FAT1: variants seen among roughly 807,000 people sequenced by gnomAD.
The protein encoded by FAT1 is protocadherin Fat 1.
In FAT1, 171 loss-of-function variants were observed where a neutral mutation model predicts 329.8. The observed-to-expected ratio is 0.52, with a 90% CI of 0.46 to 0.59. FAT1 has a LOEUF of 0.59. FAT1 is among the 20% of genes least tolerant of loss of function. The pLI, the probability that FAT1 is intolerant of heterozygous loss-of-function variation, is 0.00. For missense variants in FAT1, 5,672 were observed against 5,774.4 expected, an observed-to-expected ratio of 0.98 and a Z score of 0.57; for synonymous variants, 2,233 against 2,228.6, an observed-to-expected ratio of 1.00 and a Z score of -0.06.
chr4:186,665,973 G>A (rs913735941), intron 2 of FAT1, among the ~76,000 whole-genome samples: 6 of 146,452 alleles, frequency 4.1e-5, no homozygotes, highest in African/African-American at 1.3e-4. Flanking sequence ...ACTCACAGGT[G>A]GGAATTGAAC....
chr4:186,723,045 CA>C (rs1019120037), intron 1 of FAT1, among the ~76,000 whole-genome samples: 41 of 152,282 alleles, frequency 2.7e-4, no homozygotes, highest in African/African-American at 9.6e-4. Context: ...TAAAAGAAAG[CA>C]TTTTTTTTTA....
intron 13 of FAT1, 49 bp downstream of exon 13, chr4:186,613,060 C>T (rs1305730110): frequency 1.5e-6 from 2 of 1,325,884 alleles, no homozygotes; most frequent in East Asian, 4.7e-5. Flanking sequence ...AACAGAGGCT[C>T]CTAGGATCTC....
chr4:186,611,421 T>C lies in FAT1; in HGVS notation c.9818A>G (p.Asn3273Ser), dbSNP rs775597493. ...ATCTATGCTGAATTTCCCATGTTCA[T>C]TTCCACTTATTATTGAGTAGGTGAT... is the stretch of plus-strand genomic sequence containing the variant. ...AEITYSIISGNEHGKFSIDSK... is the reference protein window; with the variant it reads ...AEITYSIISGSEHGKFSIDSK... The change falls in exon 14 of 27, where the codon AAT becomes AGT. Residue 3273 changes from asparagine (N) to serine (S), a missense_variant. Physicochemically the swap from Asn to Ser is conservative, Grantham distance 46 (BLOSUM62 1). Coordinates refer to ENST00000441802, the MANE Select transcript of FAT1 (RefSeq NM_005245.4). 4 of 1,613,622 alleles carry C rather than the reference T, an allele frequency of 2.5e-6. No individual in the cohort carries two copies. The highest frequency in any genetic ancestry group is 3.4e-6 in the Non-Finnish European group (4 of 1,179,692).
intron 2 of FAT1, among the ~76,000 whole-genome samples, chr4:186,695,325 C>T (rs2126666246): frequency 6.6e-6 from 1 of 152,298 alleles, no homozygotes; most frequent in South Asian, 2.1e-4. Context: ...GAAGGCCAGC[C>T]TCAGAATCTA....
At chr4:186,653,650 T>A (rs1361031841) in intron 3 of FAT1, among the ~76,000 whole-genome samples, 2 of 152,198 alleles carry the variant, frequency 1.3e-5, no homozygotes, top group Non-Finnish European at 2.9e-5. Flanking sequence ...CATTTTTAAA[T>A]GGTTGAAAAA....
At chr4:186,624,843 C>T (rs1272101497) in intron 9 of FAT1, among the ~76,000 whole-genome samples, 2 of 152,214 alleles carry the variant, frequency 1.3e-5, no homozygotes, top group Non-Finnish European at 2.9e-5. Flanking sequence ...CAACAGATGT[C>T]CACCTCCATC....
At chr4:186,604,910 G>A (rs1449030844) in intron 17 of FAT1, among the ~76,000 whole-genome samples, 1 of 151,800 alleles carries the variant, frequency 6.6e-6, no homozygotes, top group Non-Finnish European at 1.5e-5. Flanking sequence ...GAGAAGAAGA[G>A]GACTGGAGGA....
chr4:186,600,497 A>G, intron 21 of FAT1, 137 bp from the exon 22 acceptor site: 1 of 675,118 alleles, frequency 1.5e-6, no homozygotes, highest in Non-Finnish European at 2.5e-6. Context: ...CAGAGCACAG[A>G]TTCATTTGTC....
At position 186,636,807 on chromosome 4, in the gene FAT1, G is replaced by A. The variant is rs1453319971; in HGVS notation, c.3750C>T (p.Tyr1250=). The A allele has an allele frequency of 1.2e-6, 2 of 1,613,778 alleles. No homozygotes were observed. Among genetic ancestry groups the A allele is most frequent in the Middle Eastern group, 1.6e-4 (1 of 6,084 alleles). ...DNKPQFLQKF[Y]KIRLPEREKP... ...TTTCCCGCTCAGGGAGTCTGATTTT[G>A]TAGAACTTTTGCAGAAACTGAGGTT... The change falls in exon 5 of 27, where the codon TAC becomes TAT. Residue 1250 remains tyrosine (Y), a synonymous_variant. Coordinates refer to ENST00000441802, the MANE Select transcript of FAT1 (RefSeq NM_005245.4).
At position 186,618,325 on chromosome 4, in the gene FAT1, T is replaced by C. The variant is rs1739826642; in HGVS notation, c.8261A>G (p.Asp2754Gly). Residue 2754 changes from aspartate to glycine, a missense_variant, in exon 10 of 27, where the codon GAC becomes GGC. This residue lies in a region of FAT1 where 3,966 missense variants were observed against 3,915.2 expected (regional missense o/e 1.01). Coordinates refer to ENST00000441802, the MANE Select transcript of FAT1 (RefSeq NM_005245.4). ...CAACTTCAGTCTCCCGCTCTGTCTG[T>C]CAATCACAAAGGACTCATCCCTATT... ...ESNRDESFVI[D>G]RQSGRLKLEK... 3.7e-6 allele frequency: 6 copies of C among 1,613,912 alleles called. 1 individual carries two copies. The highest frequency in any genetic ancestry group is 1.7e-5 in the Admixed American group (1 of 60,004).
intron 17 of FAT1, among the ~76,000 whole-genome samples, chr4:186,604,789 A>G (rs534804665): frequency 0.012 from 1,813 of 150,804 alleles, 44 homozygotes; most frequent in African/African-American, 0.042. Flanking sequence ...AAAAAGGAGG[A>G]TGAAGGAAAC....
rs183075696 is a variant in FAT1, at chr4:186,596,015, C to G, written c.13001-189G>C. Among the ~76,000 whole-genome samples the G allele has an allele frequency of 2.5e-3, 379 of 152,266 alleles. No homozygotes were observed. The highest frequency in any genetic ancestry group is 8.7e-3 in the African/African-American group (361 of 41,542). On this transcript the variant is annotated intron_variant, in intron 25 of 26. Transcript: ENST00000441802. The surrounding 1 kb of genome is among the most constrained non-coding windows in gnomAD (Gnocchi z 4.7). ...ATAAAAAACCCCTGCACAGAAAGACCTCCACATCATCTTAGAGATTATTCA... is the reference window on the plus strand; with the variant it reads ...ATAAAAAACCCCTGCACAGAAAGACGTCCACATCATCTTAGAGATTATTCA...
chr4:186,668,447 G>T (rs1742566361), intron 2 of FAT1, among the ~76,000 whole-genome samples: 1 of 152,192 alleles, frequency 6.6e-6, no homozygotes, highest in Non-Finnish European at 1.5e-5. Flanking sequence ...CAACTCCCTT[G>T]TTCTTAAAGA....
Position 186,619,608 on chromosome 4 carries a change from G to A in FAT1, c.6978C>T (p.His2326=), listed in dbSNP as rs2126507319. 6.2e-7 allele frequency: 1 copy of A among 1,613,946 alleles called. No individual in the cohort carries two copies. Among genetic ancestry groups the A allele is most frequent in the Non-Finnish European group, 8.5e-7 (1 of 1,179,888 alleles). ...RGISYQMFGN[H]SKSHDHFHVD... is the part of the protein sequence containing the mutation. ...CATGAAAATGATCATGACTCTTGCT[G>A]TGATTCCCAAACATCTGGTATGAGA... is the stretch of plus-strand genomic sequence containing the variant. Residue 2326 remains histidine, a synonymous_variant, in exon 10 of 27, where the codon CAC becomes CAT. Coordinates refer to ENST00000441802, the MANE Select transcript of FAT1 (RefSeq NM_005245.4).
chr4:186,623,331 G>C (rs1032533676), intron 9 of FAT1, among the ~76,000 whole-genome samples: 2 of 152,078 alleles, frequency 1.3e-5, no homozygotes, highest in Admixed American at 1.3e-4. Flanking sequence ...TTTGGCCGTC[G>C]TCAGAACGCC....
intron 26 of FAT1, among the ~76,000 whole-genome samples, chr4:186,593,992 G>GT (rs1004858224): frequency 6.6e-6 from 1 of 152,054 alleles, no homozygotes; most frequent in Non-Finnish European, 1.5e-5. Context: ...CTGTATATAT[G>GT]TTTTTTCTCT....
Position 186,709,584 on chromosome 4 carries a change from G to C in FAT1, c.244C>G (p.Leu82Val), listed in dbSNP as rs1233493672. 3 of 1,613,868 alleles carry C rather than the reference G, an allele frequency of 1.9e-6. No individual in the cohort carries two copies. The African/African-American group carries it at 4.0e-5, about 22-fold the overall frequency. Reference protein sequence around the residue: ...YKIVSGDSENLFKAEEYILGD... With the variant: ...YKIVSGDSENVFKAEEYILGD... ...AGAATGTACTCTTCAGCTTTGAACA[G>C]GTTTTCACTGTCTCCGGAAACAATT... The change falls in exon 2 of 27, where the codon CTG becomes GTG. Residue 82 changes from leucine to valine, a missense_variant. Around this residue, in one of 2 missense-constraint regions of FAT1, gnomAD observed 3,966 missense variants for 3,915.2 expected, o/e 1.01. Transcript: ENST00000441802.
intron 3 of FAT1, among the ~76,000 whole-genome samples, chr4:186,656,018 G>T (rs1490175047): frequency 6.6e-6 from 1 of 152,252 alleles, no homozygotes; most frequent in Non-Finnish European, 1.5e-5. Flanking sequence ...GCCACTGAAG[G>T]TGGCAAAGGC....
chr4:186,597,794 T>C lies in FAT1; in HGVS notation c.12258-2A>G, dbSNP rs1560919543. 1 of 1,611,768 alleles carries C rather than the reference T, an allele frequency of 6.2e-7. No homozygotes were observed. The highest frequency in any genetic ancestry group is 8.5e-7 in the Non-Finnish European group (1 of 1,177,936). On this transcript the variant is annotated splice_acceptor_variant, in intron 23 of 26. Transcript: ENST00000441802. LOFTEE classifies it high-confidence loss of function. ...TTGCAGTATGGACTAAGCTGACACC[T>C]GAAGAGTAAGGAGAAACAGACATAA... is the stretch of plus-strand genomic sequence containing the variant.
Sources: allele counts gnomAD v4.1 joint callset (sites outside exome capture counted in the v4.1 genomes callset), GRCh38; gene constraint gnomAD v4.1.1; regional missense constraint gnomAD v4.1.1; non-coding constraint Gnocchi (gnomAD v3.1); transcripts MANE v1.5; gene names NCBI Gene and HGNC (gene_info 2026-07-23, HGNC 2026-07-21).